Variants in ERGIC3 observed in about 807,000 individuals in gnomAD.
The protein encoded by ERGIC3 is endoplasmic reticulum-Golgi intermediate compartment protein 3.
In ERGIC3, 33 loss-of-function variants were observed where a neutral mutation model predicts 54.7. The observed-to-expected ratio is 0.60, with a 90% CI of 0.46 to 0.81. ERGIC3 has a LOEUF of 0.81. Ranked by LOEUF, ERGIC3 falls within the 30% of genes least tolerant of loss-of-function variation. The probability of loss-of-function intolerance (pLI) is 0.00; values close to 1 mark genes in which losing one functional copy is unlikely to be tolerated. For synonymous variants in ERGIC3, 186 were observed against 189.8 expected, an observed-to-expected ratio of 0.98 and a Z score of 0.16; for missense variants, 399 against 488.4, an observed-to-expected ratio of 0.82 and a Z score of 1.73.
chr20:35,544,056 ATCTATCTG>A (rs1450500256), intron 4 of ERGIC3: 4 of 190,464 alleles, frequency 2.1e-5, no homozygotes, highest in South Asian at 8.3e-5. Flanking sequence ...CTATCTATCT[ATCTATCTG>A]TCTATCTTGA....
At chr20:35,551,403 C>T (rs971775222) in intron 7 of ERGIC3, among the ~76,000 whole-genome samples, 2 of 151,914 alleles carry the variant, frequency 1.3e-5, no homozygotes, top group Non-Finnish European at 2.9e-5. Context: ...CGGCTTTTGA[C>T]GTGTTCAGAC....
At chr20:35,548,758 TAGGCAAAAGG>T in intron 6 of ERGIC3, 40 bp from the exon 7 acceptor site, 1 of 1,614,080 alleles carries the variant, frequency 6.2e-7, no homozygotes, top group Non-Finnish European at 8.5e-7. Context: ...AGGCCCTGAG[TAGGCAAAAGG>T]AGGACACAGC....
Position 35,556,274 on chromosome 20 carries a change from G to A in ERGIC3, c.879+3G>A, listed in dbSNP as rs776195987. On this transcript the variant is annotated splice_donor_region_variant and intron_variant, in intron 10 of 12. Transcript: ENST00000348547. The stretch of plus-strand genomic sequence containing the variant: ...TGTACATGAAGGTGGACGGAGAGGT[G>A]AGTCAGGGAGCTCCCTACCAGAGTC... 3.7e-6 allele frequency: 6 copies of A among 1,614,106 alleles called. No homozygotes were observed. Among genetic ancestry groups the A allele is most frequent in the Non-Finnish European group, 5.1e-6 (6 of 1,180,020 alleles).
chr20:35,542,172 C>T lies in ERGIC3; in HGVS notation c.75C>T (p.Cys25=). The T allele has an allele frequency of 6.3e-7, 1 of 1,578,464 alleles. No individual in the cohort carries two copies. Among genetic ancestry groups the T allele is most frequent in the Admixed American group, 1.8e-5 (1 of 55,606 alleles). ...KTLEDFRVKT[C]GGATVTIVSG... is the part of the protein sequence containing the mutation. ...TGGAGGACTTCCGGGTCAAGACCTG[C>T]GGGGGCGCCACCGGTAGGCCGCAGC... Residue 25 remains cysteine (C), a synonymous_variant, in exon 1 of 13, where the codon TGC becomes TGT. Coordinates refer to ENST00000348547, the MANE Select transcript of ERGIC3 (RefSeq NM_015966.3).
Position 35,544,013 on chromosome 20 carries a change from ACTATCTATCTATCTAT to A in ERGIC3, c.367+1107_367+1122del, listed in dbSNP as rs11468676. The A allele has an allele frequency of 2.7e-3, 504 of 187,876 alleles. 4 individuals carry two copies. Among genetic ancestry groups the A allele is most frequent in the East Asian group, 0.016 (120 of 7,366 alleles). 11.6% of individuals were successfully genotyped at this position (187,876 alleles called of 1,614,324 possible). ...GGATTGATGGGGCACTGAAGAATCTACTATCTATCTATCTATCTATCTATCTATCTATCTATCTATC... is the reference window on the plus strand; with the variant it reads ...GGATTGATGGGGCACTGAAGAATCTACTATCTATCTATCTATCTATCTATC... On this transcript the variant is annotated intron_variant, in intron 4 of 12. Coordinates refer to ENST00000348547, the MANE Select transcript of ERGIC3 (RefSeq NM_015966.3).
At chr20:35,555,170 T>C in intron 8 of ERGIC3, 95 bp downstream of exon 8, 1 of 1,423,818 alleles carries the variant, frequency 7.0e-7, no homozygotes, top group African/African-American at 1.4e-5. Flanking sequence ...GATGGGGTAG[T>C]GCATATGGAA....
intron 4 of ERGIC3, chr20:35,547,119 G>C (rs1050578399): frequency 3.7e-6 from 1 of 271,914 alleles, no homozygotes; most frequent in Non-Finnish European, 7.1e-6. Flanking sequence ...GATAATTACC[G>C]CCACCCTCAA....
intron 7 of ERGIC3, 73 bp from the exon 8 acceptor site, chr20:35,554,971 G>T (rs751432679): frequency 1.9e-6 from 3 of 1,563,018 alleles, no homozygotes; most frequent in Non-Finnish European, 8.8e-7. Flanking sequence ...TGCAGTCCAG[G>T]GGGAGGAAGG....
In ERGIC3 at chr20:35,547,376, C is replaced by T. The variant is rs772422322; in HGVS notation, c.368-36C>T. On this transcript the variant is annotated intron_variant, in intron 4 of 12. Coordinates refer to ENST00000348547, the MANE Select transcript of ERGIC3 (RefSeq NM_015966.3). ...GAGCCACCGATTTCACTGTGTCTGG[C>T]CCCAGCTGATGCCTCTGCTTCTCCC... The T allele has an allele frequency of 2.6e-6, 4 of 1,554,488 alleles. No individual in the cohort carries two copies. The South Asian group carries it at 4.4e-5, about 17-fold the overall frequency.
At chr20:35,543,541 G>A in intron 4 of ERGIC3, 1 of 462,010 alleles carries the variant, frequency 2.2e-6, no homozygotes, top group Non-Finnish European at 4.5e-6. Context: ...TATCTTGGTG[G>A]CTTCCCAATT....
chr20:35,554,838 A>T (rs1252798228), intron 7 of ERGIC3: 1 of 660,210 alleles, frequency 1.5e-6, no homozygotes, highest in Non-Finnish European at 2.7e-6. Flanking sequence ...TCTGTTCTAA[A>T]GACTCCTGAG....
chr20:35,553,836 C>T (rs994532607), intron 7 of ERGIC3, among the ~76,000 whole-genome samples: 14 of 152,186 alleles, frequency 9.2e-5, no homozygotes, highest in Non-Finnish European at 1.6e-4. Context: ...GTGGCAGCCT[C>T]TTGGCCTGGG....
chr20:35,556,087 A>G lies in ERGIC3; in HGVS notation c.772A>G (p.Ile258Val). Reference protein sequence around the residue: ...HLSFGEDYPGIVNPLDHTNVT... With the variant: ...HLSFGEDYPGVVNPLDHTNVT... The stretch of plus-strand genomic sequence containing the variant: ...GTCATTTGGGGAGGACTATCCAGGC[A>G]TTGTGAACCCCCTGGACCACACCAA... The change falls in exon 9 of 13, where the codon ATT becomes GTT. Residue 258 changes from isoleucine to valine, a missense_variant. Coordinates refer to ENST00000348547, the MANE Select transcript of ERGIC3 (RefSeq NM_015966.3). 6.2e-7 allele frequency: 1 copy of G among 1,614,166 alleles called. No individual in the cohort carries two copies. The highest frequency in any genetic ancestry group is 8.5e-7 in the Non-Finnish European group (1 of 1,180,022).
At chr20:35,555,901 T>C (rs2064708653) in intron 8 of ERGIC3, 132 bp from the exon 9 acceptor site, 3 of 756,648 alleles carry the variant, frequency 4.0e-6, no homozygotes, top group Non-Finnish European at 6.5e-6. Context: ...TGGGGGATTC[T>C]TATCTCGGGG....
At chr20:35,547,629 G>A in intron 5 of ERGIC3, 124 bp downstream of exon 5, 3 of 790,366 alleles carry the variant, frequency 3.8e-6, no homozygotes, top group East Asian at 2.7e-5. Context: ...CGGGGTATGT[G>A]CCTCTGTCAT....
At chr20:35,550,128 A>G (rs2147307008) in intron 7 of ERGIC3, among the ~76,000 whole-genome samples, 2 of 152,044 alleles carry the variant, frequency 1.3e-5, no homozygotes, top group Admixed American at 1.3e-4. Context: ...GGTCAGGGAA[A>G]AACTCTTTGA....
Position 35,542,305 on chromosome 20 carries a change from T to G in ERGIC3, c.89-18T>G, listed in dbSNP as rs1391373532. 1.2e-6 allele frequency: 2 copies of G among 1,614,044 alleles called. No individual in the cohort carries two copies. Among genetic ancestry groups the G allele is most frequent in the East Asian group, 4.5e-5 (2 of 44,860 alleles). On this transcript the variant is annotated intron_variant, in intron 1 of 12. Coordinates refer to ENST00000348547, the MANE Select transcript of ERGIC3 (RefSeq NM_015966.3). ...AGCGGATTCGAGGCCATTCTGACCCTCGCCCCTTGTCCTGCAGTGACCATT... is the reference window on the plus strand; with the variant it reads ...AGCGGATTCGAGGCCATTCTGACCCGCGCCCCTTGTCCTGCAGTGACCATT...
chr20:35,556,825 T>G (rs1274432289), intron 10 of ERGIC3, 148 bp from the exon 11 acceptor site: 34 of 1,118,344 alleles, frequency 3.0e-5, no homozygotes, highest in Non-Finnish European at 3.3e-5. Context: ...GGGCCAGGCC[T>G]TGCAGTGCAG....
At chr20:35,547,648 G>A (rs2064656431) in intron 5 of ERGIC3, 143 bp downstream of exon 5, 1 of 695,270 alleles carries the variant, frequency 1.4e-6, no homozygotes, top group Non-Finnish European at 2.5e-6. Context: ...ATTGATCCTG[G>A]TGCAAGCGAC....
Sources: allele counts gnomAD v4.1 joint callset (sites outside exome capture counted in the v4.1 genomes callset), GRCh38; gene constraint gnomAD v4.1.1; transcripts MANE v1.5; gene names NCBI Gene and HGNC (gene_info 2026-07-23, HGNC 2026-07-21).